KLHL1: variants seen among roughly 807,000 people sequenced by gnomAD.
KLHL1 encodes the protein kelch like family member 1, also known as kelch-like protein 1.
In KLHL1, 47 loss-of-function variants were observed where a neutral mutation model predicts 77.7. That is an observed-to-expected ratio of 0.60 (90% confidence interval 0.48 to 0.77). The LOEUF (loss-of-function observed/expected upper bound fraction) is 0.77, where lower values mean the gene tolerates loss of function less well. Among genes scored for constraint, KLHL1 ranks in the 30% least tolerant of loss-of-function variants. KLHL1 has a pLI of 0.00. For synonymous variants in KLHL1, 360 were observed against 325.2 expected (o/e 1.11, Z -1.15); for missense variants, 925 against 910.8 (o/e 1.02, Z -0.20).
Position 70,055,683 on chromosome 13 carries a change from G to A in KLHL1, c.497+51520C>T, listed in dbSNP as rs76626589. Among the ~76,000 whole-genome samples the A allele has an allele frequency of 0.024, 3,707 of 152,162 alleles. 372 individuals are homozygous for A. In the East Asian group the frequency reaches 0.34, roughly 14 times the overall value. ...AAAAAGTGGCGAGTATGTAGTGAAA[G>A]TGTAGAGTTTTTAACAGTTTTCTCT... is the stretch of plus-strand genomic sequence containing the variant. On this transcript the variant is annotated intron_variant, in intron 1 of 10. Coordinates refer to ENST00000377844, the MANE Select transcript of KLHL1 (RefSeq NM_020866.3).
intron 7 of KLHL1, among the ~76,000 whole-genome samples, chr13:69,768,713 T>A (rs9572267): frequency 6.6e-6 from 1 of 152,168 alleles, no homozygotes; most frequent in East Asian, 1.9e-4. Flanking sequence ...TATTAATAAC[T>A]TCATTAGTTA....
intron 5 of KLHL1, among the ~76,000 whole-genome samples, chr13:69,864,667 TCTAA>T (rs1880306174): frequency 1.3e-5 from 2 of 152,150 alleles, no homozygotes; most frequent in African/African-American, 4.8e-5. Flanking sequence ...CTGTTTAAAA[TCTAA>T]CTATACATTG....
At chr13:70,057,469 CAA>C (rs56235725) in intron 1 of KLHL1, among the ~76,000 whole-genome samples, 31,422 of 86,794 alleles carry the variant, frequency 0.36, 4,212 homozygotes, top group East Asian at 0.53. Flanking sequence ...AAAGACACAT[CAA>C]AAAAAAAAAA....
At chr13:70,055,815 G>A (rs551032600) in intron 1 of KLHL1, among the ~76,000 whole-genome samples, 4 of 151,672 alleles carry the variant, frequency 2.6e-5, no homozygotes, top group South Asian at 2.1e-4. Context: ...ATAAGTTACC[G>A]CAAGTGCACA....
intron 1 of KLHL1, among the ~76,000 whole-genome samples, chr13:70,099,231 A>G (rs868836485): frequency 6.6e-6 from 1 of 151,876 alleles, no homozygotes; most frequent in African/African-American, 2.4e-5. Flanking sequence ...GACGTTCTAT[A>G]TAAGTAAAAA....
chr13:70,052,419 C>T (rs528120666), intron 1 of KLHL1, among the ~76,000 whole-genome samples: 1 of 151,628 alleles, frequency 6.6e-6, no homozygotes, highest in Non-Finnish European at 1.5e-5. Context: ...AAGAAAGAGA[C>T]ATCTGTTTTG....
intron 1 of KLHL1, among the ~76,000 whole-genome samples, chr13:70,009,535 A>G (rs1287106609): frequency 1.3e-5 from 2 of 152,094 alleles, no homozygotes; most frequent in African/African-American, 4.8e-5. Flanking sequence ...ATAAGGACTT[A>G]TATTCTACTA....
intron 3 of KLHL1, among the ~76,000 whole-genome samples, chr13:69,951,658 T>C (rs1883715460): frequency 6.6e-6 from 1 of 151,424 alleles, no homozygotes; most frequent in Non-Finnish European, 1.5e-5. Flanking sequence ...TGACAAAGAT[T>C]TTGTATTTTT....
At chr13:69,769,786 T>C (rs1332852643) in intron 7 of KLHL1, among the ~76,000 whole-genome samples, 1 of 152,020 alleles carries the variant, frequency 6.6e-6, no homozygotes, top group Non-Finnish European at 1.5e-5. Flanking sequence ...CTCAGTAAAA[T>C]TCTTCCCTGC....
At chr13:69,783,607 C>A (rs150586636) in intron 7 of KLHL1, among the ~76,000 whole-genome samples, 1 of 148,526 alleles carries the variant, frequency 6.7e-6, no homozygotes, top group East Asian at 2.0e-4. Flanking sequence ...AAAATGAAGC[C>A]AGAAGGGAAG....
chr13:69,863,508 A>G (rs1164118425), intron 5 of KLHL1, among the ~76,000 whole-genome samples: 1 of 148,368 alleles, frequency 6.7e-6, no homozygotes, highest in African/African-American at 2.5e-5. Flanking sequence ...AAATAAAAAA[A>G]TTTTGCATTT....
intron 4 of KLHL1, among the ~76,000 whole-genome samples, chr13:69,909,049 CAT>C (rs1484327744): frequency 1.3e-5 from 2 of 149,470 alleles, no homozygotes; most frequent in East Asian, 3.9e-4. Context: ...TTATTTACCT[CAT>C]ATATTTAGTA....
chr13:69,917,437 C>T (rs1882483399), intron 4 of KLHL1, among the ~76,000 whole-genome samples: 1 of 151,912 alleles, frequency 6.6e-6, no homozygotes, highest in Non-Finnish European at 1.5e-5. Flanking sequence ...TAAAACTGAC[C>T]TAGAATTAAG....
intron 1 of KLHL1, among the ~76,000 whole-genome samples, chr13:70,080,261 A>G (rs1887362369): frequency 6.6e-6 from 1 of 152,164 alleles, no homozygotes; most frequent in African/African-American, 2.4e-5. Context: ...GCTCTTTTTA[A>G]AGACACCTGT....
At chr13:69,931,430 A>G (rs972822042) in intron 4 of KLHL1, among the ~76,000 whole-genome samples, 41 of 151,790 alleles carry the variant, frequency 2.7e-4, no homozygotes, top group African/African-American at 9.9e-4. Flanking sequence ...TCTTGCATAA[A>G]ACATGACTGC....
chr13:69,951,415 T>G (rs987860292), intron 3 of KLHL1, among the ~76,000 whole-genome samples: 1 of 151,514 alleles, frequency 6.6e-6, no homozygotes, highest in African/African-American at 2.4e-5. Context: ...TTTTCGCAAG[T>G]TAGTAGGAAC....
intron 4 of KLHL1, among the ~76,000 whole-genome samples, chr13:69,933,237 G>A (rs1033737957): frequency 1.3e-5 from 2 of 151,954 alleles, no homozygotes; most frequent in Non-Finnish European, 2.9e-5. Flanking sequence ...CTGAAAAGGA[G>A]TAACACAAAA....
chr13:69,786,763 G>A (rs1253622628), intron 7 of KLHL1, among the ~76,000 whole-genome samples: 1 of 152,152 alleles, frequency 6.6e-6, no homozygotes, highest in African/African-American at 2.4e-5. Context: ...AAACCTCACT[G>A]TCTCAGCCCA....
In KLHL1 at chr13:69,796,363, C is replaced by G. The variant is rs1332671742; in HGVS notation, c.1639+375G>C. 2.0e-5 allele frequency among the ~76,000 whole-genome samples: 3 copies of G among 152,060 alleles called. 1 individual carries two copies. The highest frequency in any genetic ancestry group is 4.4e-5 in the Non-Finnish European group (3 of 68,010). ...ATGTTTGGATCATGGGAGCGGATCC[C>G]TCATGAATGGCTTGGTGCTGTCCTC... On this transcript the variant is annotated intron_variant, in intron 7 of 10. Coordinates refer to ENST00000377844, the MANE Select transcript of KLHL1 (RefSeq NM_020866.3).
Sources: allele counts gnomAD v4.1 joint callset (sites outside exome capture counted in the v4.1 genomes callset), GRCh38; gene constraint gnomAD v4.1.1; transcripts MANE v1.5; gene names NCBI Gene and HGNC (gene_info 2026-07-23, HGNC 2026-07-21).